The following EXOC5 variants were observed in gnomAD, a reference collection of about 807,000 sequenced individuals.
EXOC5 encodes the protein SEC10-like 1.
EXOC5 carries 17 observed loss-of-function variants against 90.8 expected under a neutral mutation model. The ratio of observed to expected loss-of-function variants is 0.19; its 90% CI spans 0.13 to 0.28. The LOEUF is 0.28. EXOC5 is among the 10% of genes least tolerant of loss of function. The pLI, the probability that EXOC5 is intolerant of heterozygous loss-of-function variation, is 1.00. For synonymous variants in EXOC5, 260 were observed against 270.0 expected (o/e 0.96, Z 0.36); for missense variants, 569 against 830.6 (o/e 0.69, Z 3.87).
chr14:57,235,437 A>G (rs1207805854), intron 7 of EXOC5, among the ~76,000 whole-genome samples: 1 of 151,964 alleles, frequency 6.6e-6, no homozygotes, highest in Non-Finnish European at 1.5e-5. Context: ...AGACAATATG[A>G]TTTTCTTTAT....
intron 3 of EXOC5, 135 bp from the exon 4 acceptor site, chr14:57,244,494 T>C: frequency 1.5e-6 from 1 of 669,242 alleles, no homozygotes. Context: ...TGCTCATTAG[T>C]GTGACATGAT....
At chr14:57,267,388 T>A (rs890483484) in intron 1 of EXOC5, among the ~76,000 whole-genome samples, 1 of 152,226 alleles carries the variant, frequency 6.6e-6, no homozygotes, top group African/African-American at 2.4e-5. Context: ...AAAAGCTGAC[T>A]GATATGCAAA....
chr14:57,223,479 C>A (rs1251990040), intron 12 of EXOC5, among the ~76,000 whole-genome samples: 1 of 152,000 alleles, frequency 6.6e-6, no homozygotes, highest in Non-Finnish European at 1.5e-5. Flanking sequence ...TGGTATTACT[C>A]AGCTTCCTTC....
At chr14:57,209,837 G>C in intron 16 of EXOC5, 55 bp from the exon 17 acceptor site, 1 of 1,342,144 alleles carries the variant, frequency 7.5e-7, no homozygotes, top group Non-Finnish European at 1.0e-6. Flanking sequence ...CTTAGCTAAA[G>C]AGGAAATACA....
chr14:57,211,965 TC>T (rs1380237361), intron 15 of EXOC5, among the ~76,000 whole-genome samples: 1 of 151,460 alleles, frequency 6.6e-6, no homozygotes, highest in Admixed American at 6.6e-5. Context: ...GCTCAAGTGA[TC>T]CACCTACCTC....
At chr14:57,224,923 A>G (rs1883259376) in intron 12 of EXOC5, among the ~76,000 whole-genome samples, 1 of 152,038 alleles carries the variant, frequency 6.6e-6, no homozygotes, top group African/African-American at 2.4e-5. Flanking sequence ...TCAGCCGGGC[A>G]TGGTGGTGGG....
rs552146654 is a variant in EXOC5, at chr14:57,254,476, A to T, written c.28-6764T>A. ...TGCCCAACATTACTAATATTTAGGG[A>T]AATGCAAATCAAAACTACCATGAGA... On this transcript the variant is annotated intron_variant, in intron 1 of 17. Transcript: ENST00000621441. Among the ~76,000 whole-genome samples, 3 of 152,120 alleles carry T rather than the reference A, an allele frequency of 2.0e-5. No individual in the cohort carries two copies. The South Asian group carries it at 6.2e-4, about 32-fold the overall frequency.
In EXOC5 at chr14:57,203,518, A is replaced by T. The variant is rs1358968430; in HGVS notation, c.*5091T>A. 2 of 152,658 alleles carry T rather than the reference A, an allele frequency of 1.3e-5. No homozygotes were observed. Among genetic ancestry groups the T allele is most frequent in the Non-Finnish European group, 2.9e-5 (2 of 68,036 alleles). 9.5% of individuals were successfully genotyped at this position (152,658 alleles called of 1,614,324 possible). A position where few individuals can be genotyped will look rare whatever the true frequency, so the allele number is the denominator to read the frequency against. On this transcript the variant is annotated 3_prime_UTR_variant, in exon 18 of 18. Transcript: ENST00000621441. ...GACACTTTCTTCATTTAAGATTCCC[A>T]GTGGTGAAAACAAAGAAAGTCACTC...
intron 12 of EXOC5, among the ~76,000 whole-genome samples, chr14:57,225,014 A>T (rs1333649866): frequency 6.6e-6 from 1 of 152,062 alleles, no homozygotes; most frequent in East Asian, 1.9e-4. Context: ...GTGAGCCGAG[A>T]TCGTGCCACT....
chr14:57,233,772 T>A lies in EXOC5; in HGVS notation c.826A>T (p.Ile276Phe). The A allele has an allele frequency of 6.3e-7, 1 of 1,585,458 alleles. No homozygotes were observed. Among genetic ancestry groups the A allele is most frequent in the Non-Finnish European group, 8.7e-7 (1 of 1,155,690 alleles). ...SNPETVLAKL[I>F]QNVFEIKLQS... ...AGTTTGATTTCAAATACATTTTGAA[T>A]AAGTTTAGCCAGGACTGTTTCTGGA... is the stretch of plus-strand genomic sequence containing the variant. The change falls in exon 9 of 18, where the codon ATT becomes TTT. Residue 276 changes from isoleucine to phenylalanine, a missense_variant. This residue lies in a region of EXOC5 where 114 missense variants were observed against 111.2 expected (regional missense o/e 1.03). Transcript: ENST00000621441.
At chr14:57,249,271 A>G (rs770193607) in intron 1 of EXOC5, among the ~76,000 whole-genome samples, 18 of 152,162 alleles carry the variant, frequency 1.2e-4, no homozygotes, top group Non-Finnish European at 1.8e-4. Context: ...CAGTACTTCC[A>G]TTAAAAAACT....
At position 57,202,688 on chromosome 14, in the gene EXOC5, C is replaced by T. The variant is rs777961907; in HGVS notation, c.*5921G>A. 1 of 152,112 alleles carries T rather than the reference C, an allele frequency of 6.6e-6. No individual in the cohort carries two copies. Among genetic ancestry groups the T allele is most frequent in the African/African-American group, 2.4e-5 (1 of 41,414 alleles). The allele number at this position is 152,112 out of a possible 1,614,324, so 9.4% of individuals were successfully genotyped here. A position where few individuals can be genotyped will look rare whatever the true frequency, so the allele number is the denominator to read the frequency against. On this transcript the variant is annotated 3_prime_UTR_variant, in exon 18 of 18. Transcript: ENST00000621441. ...TTGTTCAATTCCTGTGTCCACTGTG[C>T]ACATGTTCTTCAAAACTGTTTTGGT...
chr14:57,222,802 C>A (rs1883191545), intron 12 of EXOC5, among the ~76,000 whole-genome samples: 1 of 151,450 alleles, frequency 6.6e-6, no homozygotes, highest in African/African-American at 2.4e-5. Flanking sequence ...CACACATACA[C>A]ACACACATAC....
In EXOC5 at chr14:57,203,856, T is replaced by A. The variant is rs45628333; in HGVS notation, c.*4753A>T. 1.3e-5 allele frequency: 2 copies of A among 152,600 alleles called. No homozygotes were observed. The highest frequency in any genetic ancestry group is 2.9e-5 in the Non-Finnish European group (2 of 68,030). 9.5% of individuals were successfully genotyped at this position (152,600 alleles called of 1,614,324 possible). A position where few individuals can be genotyped will look rare whatever the true frequency, so the allele number is the denominator to read the frequency against. On this transcript the variant is annotated 3_prime_UTR_variant, in exon 18 of 18. Coordinates refer to ENST00000621441, the MANE Select transcript of EXOC5 (RefSeq NM_006544.4). ...GTACATATTAATATAGAAAAATACA[T>A]GTTATCAGCAGCATGATGTTGACCA...
At chr14:57,221,470 G>C (rs1326076040) in intron 13 of EXOC5, among the ~76,000 whole-genome samples, 1 of 152,142 alleles carries the variant, frequency 6.6e-6, no homozygotes, top group Non-Finnish European at 1.5e-5. Flanking sequence ...ATGTACACAG[G>C]GAGACCAGTT....
chr14:57,216,595 A>G (rs1882982679), intron 15 of EXOC5, among the ~76,000 whole-genome samples: 1 of 152,162 alleles, frequency 6.6e-6, no homozygotes, highest in African/African-American at 2.4e-5. Context: ...CACACAGGAA[A>G]ATGAAATGAC....
Position 57,232,655 on chromosome 14 carries a change from T to C in EXOC5, c.938+12A>G, listed in dbSNP as rs762773142. ...TCTGTTATCTATTATTTTCTAATCATTAAAAATTTACCTTGTATACAGATC... is the reference window on the plus strand; with the variant it reads ...TCTGTTATCTATTATTTTCTAATCACTAAAAATTTACCTTGTATACAGATC... On this transcript the variant is annotated intron_variant, in intron 10 of 17. Transcript: ENST00000621441. 8.6e-6 allele frequency: 10 copies of C among 1,167,138 alleles called. No individual in the cohort carries two copies. The East Asian group carries it at 2.2e-4, about 26-fold the overall frequency. 72.3% of individuals were successfully genotyped at this position (1,167,138 alleles called of 1,614,324 possible). A position where few individuals can be genotyped will look rare whatever the true frequency, so the allele number is the denominator to read the frequency against.
At chr14:57,236,087 C>T (rs1309372336) in intron 6 of EXOC5, among the ~76,000 whole-genome samples, 2 of 151,902 alleles carry the variant, frequency 1.3e-5, no homozygotes, top group Non-Finnish European at 2.9e-5. Context: ...TTACTTAAAC[C>T]AGTAGCTGAC....
chr14:57,261,498 C>T (rs1476480765), intron 1 of EXOC5, among the ~76,000 whole-genome samples: 1 of 152,232 alleles, frequency 6.6e-6, no homozygotes, highest in Non-Finnish European at 1.5e-5. Flanking sequence ...TCTACCTCTA[C>T]CACTGTCTCC....
Sources: gnomAD v4.1 joint callset for allele counts (sites outside exome capture counted in the v4.1 genomes callset) on GRCh38, gnomAD v4.1.1 for gene constraint, gnomAD v4.1.1 regional missense constraint, MANE v1.5 for transcripts, NCBI Gene and HGNC (gene_info 2026-07-23, HGNC 2026-07-21) for gene names.